The following SLC35F3 variants were observed in gnomAD, a reference collection of about 807,000 sequenced individuals.
SLC35F3 encodes the protein putative thiamine transporter SLC35F3.
Under a neutral mutation model 49.9 loss-of-function variants are expected in SLC35F3, and 25 were observed. That is an observed-to-expected ratio of 0.50 (90% CI 0.37 to 0.70). The LOEUF is 0.70. SLC35F3 is among the 30% of genes least tolerant of loss of function. The pLI is 0.00. For missense variants in SLC35F3, 525 were observed against 639.8 expected (o/e 0.82, Z 1.94); for synonymous variants, 275 against 265.4 (o/e 1.04, Z -0.35).
intron 2 of SLC35F3, among the ~76,000 whole-genome samples, chr1:233,950,122 G>GA (rs1662578783): frequency 6.6e-6 from 1 of 151,950 alleles, no homozygotes; most frequent in Non-Finnish European, 1.5e-5. Flanking sequence ...CTCTCTGGAG[G>GA]AAAAAGAGAA....
intron 3 of SLC35F3, among the ~76,000 whole-genome samples, chr1:234,273,447 T>C (rs1668143174): frequency 6.6e-6 from 1 of 152,170 alleles, no homozygotes; most frequent in African/African-American, 2.4e-5. Flanking sequence ...TGCCCCCCTA[T>C]CTGGAGTAGC....
At chr1:234,154,061 CA>C (rs918071713) in intron 2 of SLC35F3, among the ~76,000 whole-genome samples, 28 of 136,836 alleles carry the variant, frequency 2.0e-4, no homozygotes, top group Admixed American at 2.9e-4. Flanking sequence ...GACTCCGTCT[CA>C]AAAAAAAAAA....
chr1:234,247,453 T>G (rs1408092608), intron 3 of SLC35F3, among the ~76,000 whole-genome samples: 1 of 145,072 alleles, frequency 6.9e-6, no homozygotes, highest in African/African-American at 2.6e-5. Flanking sequence ...TTTGGTGGGT[T>G]GGTTGGTTGG....
chr1:234,083,844 T>G (rs1664918227), intron 2 of SLC35F3, among the ~76,000 whole-genome samples: 1 of 151,448 alleles, frequency 6.6e-6, no homozygotes, highest in African/African-American at 2.4e-5. Context: ...TTTGGCTTTT[T>G]TTTTTTTTTT....
intron 2 of SLC35F3, among the ~76,000 whole-genome samples, chr1:234,062,235 G>A (rs1664552719): frequency 6.6e-6 from 1 of 152,180 alleles, no homozygotes; most frequent in Admixed American, 6.5e-5. Context: ...ATTGCCTGAA[G>A]TTTCTGATGT....
intron 3 of SLC35F3, among the ~76,000 whole-genome samples, chr1:234,270,581 A>G (rs984243645): frequency 2.0e-5 from 3 of 152,172 alleles, no homozygotes; most frequent in African/African-American, 7.2e-5. Flanking sequence ...CATTCACTTC[A>G]CCCTCATCCT....
At chr1:234,285,231 G>A in intron 3 of SLC35F3, 1 of 420,754 alleles carries the variant, frequency 2.4e-6, no homozygotes, top group Non-Finnish European at 4.7e-6. Context: ...CATTTCACTG[G>A]GCTTCCCTCA....
intron 2 of SLC35F3, among the ~76,000 whole-genome samples, chr1:234,192,829 C>T (rs1168445334): frequency 1.3e-5 from 2 of 152,066 alleles, no homozygotes; most frequent in Non-Finnish European, 2.9e-5. Flanking sequence ...ATCAAGAACT[C>T]GACCCTTTTT....
chr1:234,222,135 C>T (rs1454120061), intron 2 of SLC35F3, among the ~76,000 whole-genome samples: 1 of 152,134 alleles, frequency 6.6e-6, no homozygotes, highest in Admixed American at 6.5e-5. Flanking sequence ...TGAGACAGAA[C>T]CCCAGATGAT....
intron 5 of SLC35F3, among the ~76,000 whole-genome samples, chr1:234,317,897 T>C (rs1439191721): frequency 2.0e-5 from 3 of 152,228 alleles, no homozygotes; most frequent in African/African-American, 7.2e-5. Flanking sequence ...TGATTCAGAT[T>C]CCAGTCTCCA....
rs370186911 is a variant in SLC35F3 at position 234,117,912 on chromosome 1, ATGTGTGTGTGTGTGTGTGTGTG to A, written c.284-113473_284-113452del. 4.5e-3 allele frequency among the ~76,000 whole-genome samples: 512 copies of A among 113,902 alleles called. 15 individuals carry two copies. The highest frequency in any genetic ancestry group is 0.01 in the African/African-American group (339 of 33,452). 74.7% of individuals were successfully genotyped at this position (113,902 alleles called of 152,430 possible). A position where few individuals can be genotyped will look rare whatever the true frequency, so the allele number is the denominator to read the frequency against. On this transcript the variant is annotated intron_variant, in intron 2 of 7. Coordinates refer to ENST00000366618, the MANE Select transcript of SLC35F3 (RefSeq NM_173508.4). ...AAAAAGAAAAAAAAAAAGACTATAT[ATGTGTGTGTGTGTGTGTGTGTG>A]TGTGTGTGTGTGTGTGTGTGTGTGT...
In SLC35F3 at chr1:234,229,032, C is replaced by A. The variant is rs977773801; in HGVS notation, c.284-2385C>A. ...GAATGGGGTTTGGTTGTCTATTATT[C>A]TTTATGGGTATATTCCAGTGTTTCC... On this transcript the variant is annotated intron_variant, in intron 2 of 7. Transcript: ENST00000366618. 5.9e-5 allele frequency among the ~76,000 whole-genome samples: 9 copies of A among 152,202 alleles called. 1 individual carries two copies. The highest frequency in any genetic ancestry group is 2.2e-4 in the African/African-American group (9 of 41,516).
intron 2 of SLC35F3, among the ~76,000 whole-genome samples, chr1:234,002,346 A>T (rs1399601045): frequency 1.3e-5 from 2 of 152,190 alleles, no homozygotes; most frequent in East Asian, 3.8e-4. Flanking sequence ...CCCATCCAGG[A>T]CACCACATTA....
Position 234,214,681 on chromosome 1 carries a change from C to T in SLC35F3, c.284-16736C>T. The T allele has an allele frequency of 1.5e-6, 2 of 1,369,766 alleles. No individual in the cohort carries two copies. Among genetic ancestry groups the T allele is most frequent in the Non-Finnish European group, 1.9e-6 (2 of 1,041,514 alleles). 84.9% of individuals were successfully genotyped at this position (1,369,766 alleles called of 1,614,324 possible). ...CGGGGCGCCGGGGCTGGGGGTACTGCTCCCCCAGGACGCGGCTCCGCAGTG... is the reference window on the plus strand; with the variant it reads ...CGGGGCGCCGGGGCTGGGGGTACTGTTCCCCCAGGACGCGGCTCCGCAGTG... On this transcript the variant is annotated intron_variant, in intron 2 of 7. Coordinates refer to ENST00000366618, the MANE Select transcript of SLC35F3 (RefSeq NM_173508.4). The surrounding 1 kb of genome is among the most constrained non-coding windows in gnomAD (Gnocchi z 8.0).
At chr1:233,925,621 A>G (rs1249029570) in intron 2 of SLC35F3, among the ~76,000 whole-genome samples, 1 of 152,180 alleles carries the variant, frequency 6.6e-6, no homozygotes, top group African/African-American at 2.4e-5. Context: ...TGGAGCATTT[A>G]GCCCATTTAC....
chr1:234,111,208 G>C (rs1035945157), intron 2 of SLC35F3, among the ~76,000 whole-genome samples: 2 of 152,084 alleles, frequency 1.3e-5, no homozygotes, highest in African/African-American at 4.8e-5. Context: ...TCTTGTAAGA[G>C]AGTGAATTAA....
At chr1:234,215,670 G>T (rs981804477) in intron 2 of SLC35F3, among the ~76,000 whole-genome samples, 1 of 152,194 alleles carries the variant, frequency 6.6e-6, no homozygotes, top group Non-Finnish European at 1.5e-5. Context: ...CTTCCCACTC[G>T]TGACTTCTTG....
At chr1:234,137,247 G>C (rs1347574999) in intron 2 of SLC35F3, among the ~76,000 whole-genome samples, 1 of 152,232 alleles carries the variant, frequency 6.6e-6, no homozygotes, top group African/African-American at 2.4e-5. Context: ...AGGAAAAGAA[G>C]CCTGCAAAGG....
intron 2 of SLC35F3, among the ~76,000 whole-genome samples, chr1:233,975,737 C>G (rs1235357025): frequency 2.0e-5 from 3 of 152,168 alleles, no homozygotes. Context: ...GGCCAGCACC[C>G]AGAGTGGCCA....
Sources: allele counts gnomAD v4.1 joint callset (sites outside exome capture counted in the v4.1 genomes callset), GRCh38; gene constraint gnomAD v4.1.1; non-coding constraint Gnocchi (gnomAD v3.1); transcripts MANE v1.5; gene names NCBI Gene and HGNC (gene_info 2026-07-23, HGNC 2026-07-21).